Variants in ZBTB16 observed in about 807,000 individuals in gnomAD.
ZBTB16 encodes the protein zinc finger and BTB domain-containing protein 16.
Under a neutral mutation model 56.8 loss-of-function variants are expected in ZBTB16, and 8 were observed. The observed-to-expected ratio is 0.14, with a 90% CI of 0.08 to 0.25. The LOEUF is 0.25. ZBTB16 is among the 10% of genes least tolerant of loss of function. The pLI is 1.00. For missense variants in ZBTB16, 625 were observed against 903.0 expected, an observed-to-expected ratio of 0.69 and a Z score of 3.95; for synonymous variants, 363 against 368.5, an observed-to-expected ratio of 0.98 and a Z score of 0.17.
chr11:114,216,735 C>G (rs1282297967), intron 4 of ZBTB16, among the ~76,000 whole-genome samples: 1 of 152,208 alleles, frequency 6.6e-6, no homozygotes, highest in Non-Finnish European at 1.5e-5. Flanking sequence ...ACTAAAAGAT[C>G]CCCTATTCCC....
chr11:114,175,197 A>G (rs541062309), intron 3 of ZBTB16, among the ~76,000 whole-genome samples: 20 of 152,362 alleles, frequency 1.3e-4, no homozygotes, highest in African/African-American at 4.1e-4. Context: ...GAAGGTGCCC[A>G]GCACAGAAAG....
At chr11:114,229,557 C>T (rs1346213355) in intron 4 of ZBTB16, among the ~76,000 whole-genome samples, 3 of 152,230 alleles carry the variant, frequency 2.0e-5, no homozygotes, top group Non-Finnish European at 4.4e-5. Context: ...TGGTAGCCCA[C>T]TCTCACTTTC....
intron 4 of ZBTB16, among the ~76,000 whole-genome samples, chr11:114,217,287 A>G (rs973776313): frequency 6.6e-6 from 1 of 152,190 alleles, no homozygotes; most frequent in African/African-American, 2.4e-5. Context: ...ATGAGATCAG[A>G]TACATTTTGG....
At chr11:114,163,604 A>G (rs922435847) in intron 3 of ZBTB16, among the ~76,000 whole-genome samples, 6 of 151,546 alleles carry the variant, frequency 4.0e-5, no homozygotes, top group African/African-American at 1.5e-4. Flanking sequence ...GAAAGTTGGG[A>G]AAGTTCATTG....
At chr11:114,165,652 G>T (rs1942727512) in intron 3 of ZBTB16, among the ~76,000 whole-genome samples, 1 of 152,190 alleles carries the variant, frequency 6.6e-6, no homozygotes, top group African/African-American at 2.4e-5. Flanking sequence ...AATACCAGGT[G>T]TTAGAGCCTC....
chr11:114,167,125 C>T (rs561332586), intron 3 of ZBTB16, among the ~76,000 whole-genome samples: 5 of 149,006 alleles, frequency 3.4e-5, no homozygotes, highest in South Asian at 2.2e-4. Flanking sequence ...CACTGGCTTG[C>T]GGGTGTTTTA....
At chr11:114,197,835 G>C (rs1460193156) in intron 4 of ZBTB16, among the ~76,000 whole-genome samples, 1 of 152,092 alleles carries the variant, frequency 6.6e-6, no homozygotes, top group Non-Finnish European at 1.5e-5. Context: ...ATAGCTGCTG[G>C]CCTTGCCCCC....
intron 2 of ZBTB16, among the ~76,000 whole-genome samples, chr11:114,115,854 C>T (rs1439216446): frequency 6.6e-6 from 1 of 152,094 alleles, no homozygotes; most frequent in African/African-American, 2.4e-5. Flanking sequence ...CAGTAGGGAT[C>T]TCCATACTGG....
chr11:114,190,762 T>C (rs1005132279), intron 4 of ZBTB16, among the ~76,000 whole-genome samples: 28 of 149,960 alleles, frequency 1.9e-4, no homozygotes, highest in African/African-American at 4.5e-4. Flanking sequence ...CACACACATA[T>C]ATATACACAC....
chr11:114,202,903 G>A (rs1305953277), intron 4 of ZBTB16, among the ~76,000 whole-genome samples: 1 of 152,130 alleles, frequency 6.6e-6, no homozygotes, highest in Non-Finnish European at 1.5e-5. Flanking sequence ...TTTTTAATGT[G>A]GGAGAGAGAC....
At position 114,255,572 on chromosome 11, in the gene ZBTB16, G is replaced by A. The variant is rs964117892; in HGVS notation, c.*5017G>A. On this transcript the variant is annotated 3_prime_UTR_variant, in exon 7 of 7. Coordinates refer to ENST00000335953, the MANE Select transcript of ZBTB16 (RefSeq NM_006006.6). ...TGCCCCCTCCCCAGCCCACTTCCCCGAGTTGTGCTTGCCGCTCCTTATCTG... is the reference window on the plus strand; with the variant it reads ...TGCCCCCTCCCCAGCCCACTTCCCCAAGTTGTGCTTGCCGCTCCTTATCTG... Among the ~76,000 whole-genome samples the A allele has an allele frequency of 7.4e-5, 11 of 147,756 alleles. No individual in the cohort carries two copies. Among genetic ancestry groups the A allele is most frequent in the African/African-American group, 2.5e-4 (10 of 39,992 alleles).
intron 4 of ZBTB16, chr11:114,187,477 A>C: frequency 4.0e-6 from 1 of 247,460 alleles, no homozygotes; most frequent in Non-Finnish European, 8.1e-6. Context: ...CATTGTCTAA[A>C]ATCAGCGTGT....
chr11:114,119,364 G>A (rs923854124), intron 2 of ZBTB16, among the ~76,000 whole-genome samples: 1 of 149,770 alleles, frequency 6.7e-6, no homozygotes, highest in African/African-American at 2.4e-5. Context: ...GTGTGTGTGT[G>A]TTTGTGTCTG....
intron 4 of ZBTB16, among the ~76,000 whole-genome samples, chr11:114,191,538 G>T (rs775799173): frequency 6.6e-6 from 1 of 152,208 alleles, no homozygotes; most frequent in Non-Finnish European, 1.5e-5. Flanking sequence ...CCACTAGGAA[G>T]TGGAGAGCTG....
chr11:114,156,699 A>G (rs559127482), intron 3 of ZBTB16, among the ~76,000 whole-genome samples: 1 of 152,306 alleles, frequency 6.6e-6, no homozygotes, highest in East Asian at 1.9e-4. Flanking sequence ...TCTACCTTCC[A>G]AAGTAGACTG....
chr11:114,179,585 A>T (rs1175701759), intron 3 of ZBTB16, among the ~76,000 whole-genome samples: 1 of 152,086 alleles, frequency 6.6e-6, no homozygotes, highest in African/African-American at 2.4e-5. Flanking sequence ...AATCTCAAGG[A>T]ATTTTGAAAA....
intron 2 of ZBTB16, among the ~76,000 whole-genome samples, chr11:114,092,541 C>G (rs896534067): frequency 1.3e-5 from 2 of 152,174 alleles, no homozygotes; most frequent in Admixed American, 6.5e-5. Context: ...CCTCTGCTCC[C>G]CCTCCTTTTC....
intron 3 of ZBTB16, 49 bp downstream of exon 3, chr11:114,156,483 C>T (rs778683539): frequency 6.4e-7 from 1 of 1,568,108 alleles, no homozygotes; most frequent in Admixed American, 1.7e-5. Context: ...CAACCATCTC[C>T]TGCTTGCCTT....
chr11:114,176,512 C>T (rs1943118163), intron 3 of ZBTB16, among the ~76,000 whole-genome samples: 1 of 152,300 alleles, frequency 6.6e-6, no homozygotes, highest in South Asian at 2.1e-4. Context: ...TTCTACCTGC[C>T]TGATAGAGCA....
Sources: allele counts gnomAD v4.1 joint callset (sites outside exome capture counted in the v4.1 genomes callset), GRCh38; gene constraint gnomAD v4.1.1; transcripts MANE v1.5; gene names NCBI Gene and HGNC (gene_info 2026-07-23, HGNC 2026-07-21).